COL8A1: variants seen among roughly 807,000 people sequenced by gnomAD.
COL8A1 encodes the protein collagen type VIII alpha 1 chain, also known as collagen alpha-1(VIII) chain.
A neutral mutation model predicts 42.7 loss-of-function variants in COL8A1; 21 were observed. That is an observed-to-expected ratio of 0.49 (90% confidence interval 0.35 to 0.71). COL8A1 has a LOEUF of 0.71. Among genes scored for constraint, COL8A1 ranks in the 30% least tolerant of loss-of-function variants. The pLI is 0.01. For synonymous variants in COL8A1, 367 were observed against 369.1 expected, an observed-to-expected ratio of 0.99 and a Z score of 0.06; for missense variants, 788 against 962.4, an observed-to-expected ratio of 0.82 and a Z score of 2.40.
rs114859763 is a variant in COL8A1 at position 99,716,854 on chromosome 3, G to A, written c.-128-28043G>A. Among the ~76,000 whole-genome samples, 672 of 152,050 alleles carry A rather than the reference G, an allele frequency of 4.4e-3. 8 individuals carry two copies. The highest frequency in any genetic ancestry group is 0.015 in the African/African-American group (635 of 41,516). Reference sequence around the variant, plus strand: ...ATTAGTCATAAGGTTGTTCAGTCCCGTTTAAATTCCAGCCATGGCATTTGA... The same window carrying A: ...ATTAGTCATAAGGTTGTTCAGTCCCATTTAAATTCCAGCCATGGCATTTGA... On this transcript the variant is annotated intron_variant, in intron 1 of 3. Transcript: ENST00000652472.
At chr3:99,773,022 C>A (rs1941609730) in intron 2 of COL8A1, among the ~76,000 whole-genome samples, 1 of 152,176 alleles carries the variant, frequency 6.6e-6, no homozygotes. Context: ...GGTTTAACCT[C>A]TTTGGGCCCT....
At chr3:99,747,317 A>G (rs1406989641) in intron 2 of COL8A1, among the ~76,000 whole-genome samples, 1 of 152,224 alleles carries the variant, frequency 6.6e-6, no homozygotes, top group Non-Finnish European at 1.5e-5. Flanking sequence ...TCATTAAGAT[A>G]CCTAATGTGC....
At chr3:99,724,927 T>C (rs116736918) in intron 1 of COL8A1, among the ~76,000 whole-genome samples, 393 of 152,196 alleles carry the variant, frequency 2.6e-3, no homozygotes, top group African/African-American at 8.4e-3. Flanking sequence ...TATGTGTCTA[T>C]GTGTGTGTAA....
At chr3:99,670,529 T>C (rs1196822767) in intron 1 of COL8A1, among the ~76,000 whole-genome samples, 1 of 152,120 alleles carries the variant, frequency 6.6e-6, no homozygotes, top group African/African-American at 2.4e-5. Context: ...TGTGGTACAA[T>C]GTGATTTTTT....
At chr3:99,789,020 C>A (rs1941947831) in intron 2 of COL8A1, among the ~76,000 whole-genome samples, 1 of 152,074 alleles carries the variant, frequency 6.6e-6, no homozygotes, top group Non-Finnish European at 1.5e-5. Context: ...TCTTAGTAAT[C>A]CAAAATGGGC....
Position 99,643,033 on chromosome 3 carries a change from G to A in COL8A1, c.-129+4369G>A, listed in dbSNP as rs181720290. On this transcript the variant is annotated intron_variant, in intron 1 of 3. Coordinates refer to ENST00000652472, the MANE Select transcript of COL8A1 (RefSeq NM_020351.4). Reference sequence around the variant, plus strand: ...GCTGGAAAAGACCTTGGAGCTAATTGTAACTAAAAGTTAATTTTACAGGTG... The same window carrying A: ...GCTGGAAAAGACCTTGGAGCTAATTATAACTAAAAGTTAATTTTACAGGTG... Among the ~76,000 whole-genome samples, 72 of 152,276 alleles carry A rather than the reference G, an allele frequency of 4.7e-4. 1 individual carries two copies. Among genetic ancestry groups the A allele is most frequent in the African/African-American group, 1.6e-3 (65 of 41,556 alleles).
intron 2 of COL8A1, among the ~76,000 whole-genome samples, chr3:99,750,039 T>A (rs1431011704): frequency 6.8e-6 from 1 of 146,908 alleles, no homozygotes; most frequent in Non-Finnish European, 1.5e-5. Context: ...CTTCTTTTTC[T>A]TTTTTTCTTC....
Position 99,691,472 on chromosome 3 carries a change from C to T in COL8A1, c.-129+52808C>T, listed in dbSNP as rs537253853. On this transcript the variant is annotated intron_variant, in intron 1 of 3. Transcript: ENST00000652472. ...GCGTCTTGCTACTCAAAGTGTGGTC[C>T]ATGGACCAGCAGCATCAGCATCACC... is the stretch of plus-strand genomic sequence containing the variant. 8 of 152,078 alleles carry T rather than the reference C, an allele frequency of 5.3e-5. No individual in the cohort carries two copies. The East Asian group carries it at 1.4e-3, about 26-fold the overall frequency. The allele number at this position is 152,078 out of a possible 1,614,324, so 9.4% of individuals were successfully genotyped here. A position where few individuals can be genotyped will look rare whatever the true frequency, so the allele number is the denominator to read the frequency against.
intron 1 of COL8A1, among the ~76,000 whole-genome samples, chr3:99,648,287 T>C (rs1196108375): frequency 6.6e-6 from 1 of 152,156 alleles, no homozygotes; most frequent in Non-Finnish European, 1.5e-5. Flanking sequence ...TGCCCGCCTG[T>C]GCTGCTTCTC....
In COL8A1 at chr3:99,768,500, G is replaced by C. The variant is rs117151561; in HGVS notation, c.-3-22180G>C. 6.8e-3 allele frequency among the ~76,000 whole-genome samples: 1,041 copies of C among 152,348 alleles called. 19 individuals are homozygous for C. The South Asian group carries it at 0.076, about 11-fold the overall frequency. ...TACAGGTGAAGAGCATGGGGTAAGT[G>C]ATTTGACCAAGGTCACATAGACCAT... On this transcript the variant is annotated intron_variant, in intron 2 of 3. Transcript: ENST00000652472.
At chr3:99,683,112 G>A (rs2107324941) in intron 1 of COL8A1, among the ~76,000 whole-genome samples, 1 of 152,300 alleles carries the variant, frequency 6.6e-6, no homozygotes, top group African/African-American at 2.4e-5. Flanking sequence ...AAAAAGAAGT[G>A]TCTTAAGTGG....
chr3:99,660,876 T>A (rs1938183206), intron 1 of COL8A1, among the ~76,000 whole-genome samples: 2 of 152,230 alleles, frequency 1.3e-5, no homozygotes. Flanking sequence ...CACAGGCTTT[T>A]ACTGTTTGAA....
At position 99,795,534 on chromosome 3, in the gene COL8A1, G is replaced by T; in HGVS notation, c.1633G>T (p.Gly545Trp). 1 of 1,603,362 alleles carries T rather than the reference G, an allele frequency of 6.2e-7. No individual in the cohort carries two copies. Among genetic ancestry groups the T allele is most frequent in the Non-Finnish European group, 8.5e-7 (1 of 1,175,454 alleles). The change falls in exon 4 of 4, where the codon GGG (glycine) becomes TGG (tryptophan). Residue 545 changes from glycine to tryptophan, a missense_variant. Physicochemically the swap from Gly to Trp is radical, Grantham distance 184. Coordinates refer to ENST00000652472, the MANE Select transcript of COL8A1 (RefSeq NM_020351.4). ...PGVAGLHGPP[G>W]KPGALGPQGQ... The stretch of plus-strand genomic sequence containing the variant: ...AGTGGCAGGACTTCATGGCCCCCCA[G>T]GGAAGCCTGGTGCCCTTGGTCCTCA...
At chr3:99,742,732 C>A (rs114459568) in intron 1 of COL8A1, among the ~76,000 whole-genome samples, 156 of 152,280 alleles carry the variant, frequency 1.0e-3, no homozygotes, top group African/African-American at 3.5e-3. Context: ...AAAGCAGTTT[C>A]ATCAGCTACC....
At chr3:99,743,574 CTA>C (rs1940951117) in intron 1 of COL8A1, among the ~76,000 whole-genome samples, 3 of 152,192 alleles carry the variant, frequency 2.0e-5, no homozygotes, top group Admixed American at 2.0e-4. Context: ...ACTACACTCT[CTA>C]ATATTAGAGC....
At chr3:99,648,884 T>C (rs1389239980) in intron 1 of COL8A1, among the ~76,000 whole-genome samples, 1 of 152,036 alleles carries the variant, frequency 6.6e-6, no homozygotes, top group Non-Finnish European at 1.5e-5. Flanking sequence ...CCTAGGAAAA[T>C]GTCTATGTTG....
intron 3 of COL8A1, among the ~76,000 whole-genome samples, chr3:99,792,414 G>A (rs1209355034): frequency 2.0e-5 from 3 of 152,146 alleles, no homozygotes; most frequent in Non-Finnish European, 4.4e-5. Context: ...AAGATATTGG[G>A]ACCATATATT....
intron 2 of COL8A1, among the ~76,000 whole-genome samples, chr3:99,786,018 A>G (rs1329717574): frequency 1.3e-5 from 2 of 152,356 alleles, no homozygotes; most frequent in Non-Finnish European, 2.9e-5. Context: ...GATGAAGAAC[A>G]TACTTTTGAA....
At chr3:99,717,459 TAGTTG>T (rs566797959) in intron 1 of COL8A1, among the ~76,000 whole-genome samples, 21 of 152,134 alleles carry the variant, frequency 1.4e-4, no homozygotes, top group Middle Eastern at 6.8e-3. Context: ...TCTAGGCTGT[TAGTTG>T]AGTTTAGTCT....
Sources: allele counts gnomAD v4.1 joint callset (sites outside exome capture counted in the v4.1 genomes callset), GRCh38; gene constraint gnomAD v4.1.1; transcripts MANE v1.5; gene names NCBI Gene and HGNC (gene_info 2026-07-23, HGNC 2026-07-21).